Variants in HNF4A observed in about 807,000 individuals in gnomAD.
HNF4A encodes the protein hepatocyte nuclear factor 4 alpha.
A neutral mutation model predicts 52.4 loss-of-function variants in HNF4A; 15 were observed. The ratio of observed to expected loss-of-function variants is 0.29; its 90% CI spans 0.19 to 0.44. The LOEUF (loss-of-function observed/expected upper bound fraction) is 0.44, where lower values mean the gene tolerates loss of function less well. Ranked by LOEUF, HNF4A falls within the 20% of genes least tolerant of loss-of-function variation. The pLI is 1.00. For missense variants in HNF4A, 479 were observed against 647.2 expected (o/e 0.74, Z 2.82); for synonymous variants, 280 against 264.4 (o/e 1.06, Z -0.57).
intron 1 of HNF4A, among the ~76,000 whole-genome samples, chr20:44,393,558 TG>T (rs1309666896): frequency 6.6e-6 from 1 of 152,216 alleles, no homozygotes; most frequent in East Asian, 1.9e-4. Context: ...TCTCATCAGC[TG>T]TGTGAGCATG....
chr20:44,395,944 C>A (rs553348855), intron 1 of HNF4A, among the ~76,000 whole-genome samples: 5 of 152,066 alleles, frequency 3.3e-5, no homozygotes, highest in Admixed American at 6.6e-5. Flanking sequence ...GGTGGCCAGG[C>A]GTGTGGAGGA....
intron 1 of HNF4A, among the ~76,000 whole-genome samples, chr20:44,362,452 A>T (rs1434914231): frequency 2.0e-5 from 3 of 148,144 alleles, no homozygotes; most frequent in African/African-American, 7.4e-5. Flanking sequence ...GCATGCTGAG[A>T]TGCTTAAGTG....
intron 1 of HNF4A, among the ~76,000 whole-genome samples, chr20:44,383,127 G>A (rs768598703): frequency 7.2e-5 from 11 of 152,156 alleles, no homozygotes; most frequent in Admixed American, 2.0e-4. Flanking sequence ...CTGTGATGGC[G>A]CCACTGCACT....
intron 1 of HNF4A, among the ~76,000 whole-genome samples, chr20:44,371,663 A>G: frequency 6.6e-6 from 1 of 152,080 alleles, no homozygotes; most frequent in African/African-American, 2.4e-5. Context: ...CATCTCTACT[A>G]AAAATGCAAA....
chr20:44,375,897 T>C (rs1429011509), intron 1 of HNF4A, among the ~76,000 whole-genome samples: 1 of 152,212 alleles, frequency 6.6e-6, no homozygotes, highest in African/African-American at 2.4e-5. Context: ...AAGCTCTCCC[T>C]GCTCTCAGAC....
chr20:44,368,160 A>ATTTTTT lies in HNF4A; in HGVS notation c.49+12326_49+12331dup, dbSNP rs1181828023. Among the ~76,000 whole-genome samples the ATTTTTT allele has an allele frequency of 3.6e-4, 10 of 27,782 alleles. 1 individual carries two copies. Among genetic ancestry groups the ATTTTTT allele is most frequent in the East Asian group, 2.4e-3 (2 of 842 alleles). The allele number at this position is 27,782 out of a possible 152,430, so 18.2% of individuals were successfully genotyped here. ...TATATACATATATATATATATATATATTTTTTTTTTTTTTTTTTTTTTTTG... is the reference window on the plus strand; with the variant it reads ...TATATACATATATATATATATATATATTTTTTTTTTTTTTTTTTTTTTTTTTTTTTG... On this transcript the variant is annotated intron_variant, in intron 1 of 9. Coordinates refer to the HNF4A transcript ENST00000316673.
At position 44,430,573 on chromosome 20, in the gene HNF4A, T is replaced by C. The variant is rs983663844; in HGVS notation, c.*908T>C. On this transcript the variant is annotated 3_prime_UTR_variant, in exon 10 of 10. Coordinates refer to ENST00000316099, the MANE Select transcript of HNF4A (RefSeq NM_000457.6). The stretch of plus-strand genomic sequence containing the variant: ...AAGAACAGCCTGAGCCAAGGCCTAG[T>C]GGTAGTAAGAATCTAGCAAGAATTG... 2.6e-5 allele frequency: 4 copies of C among 152,342 alleles called. No individual in the cohort carries two copies. The highest frequency in any genetic ancestry group is 9.7e-5 in the African/African-American group (4 of 41,384). 9.4% of individuals were successfully genotyped at this position (152,342 alleles called of 1,614,324 possible).
chr20:44,413,684 C>T lies in HNF4A; in HGVS notation c.386-10C>T, dbSNP rs1158589589. The T allele has an allele frequency of 5.0e-6, 8 of 1,609,862 alleles. No homozygotes were observed. The highest frequency in any genetic ancestry group is 1.1e-5 in the South Asian group (1 of 90,744). On this transcript the variant is annotated splice_polypyrimidine_tract_variant and intron_variant, in intron 3 of 9. Coordinates refer to ENST00000316099, the MANE Select transcript of HNF4A (RefSeq NM_000457.6). The stretch of plus-strand genomic sequence containing the variant: ...GTTCTCCCTCCTCACCTCTCTGTGC[C>T]TCCTCACAGCCGTCCAGAATGAGCG...
intron 3 of HNF4A, among the ~76,000 whole-genome samples, chr20:44,413,321 TTAC>T (rs2063613146): frequency 6.6e-6 from 1 of 152,154 alleles, no homozygotes. Context: ...TTTGCTTGCT[TTAC>T]TCACTTTCAT....
rs186064234 is a variant in HNF4A, at chr20:44,386,355, C to A, written c.50-19703C>A. On this transcript the variant is annotated intron_variant, in intron 1 of 9. Transcript: ENST00000316673. ...GCTAATTTTGTATTTTTAGTAGAGA[C>A]GAGGTCTCACCATGTTTGGCAGGCT... Among the ~76,000 whole-genome samples the A allele has an allele frequency of 8.6e-3, 1,302 of 151,802 alleles. 24 individuals are homozygous for A. The highest frequency in any genetic ancestry group is 0.03 in the African/African-American group (1,256 of 41,388).
chr20:44,381,151 C>T (rs980875780), intron 1 of HNF4A, among the ~76,000 whole-genome samples: 7 of 152,176 alleles, frequency 4.6e-5, no homozygotes, highest in Admixed American at 4.6e-4. Flanking sequence ...CTTAATAAAG[C>T]AGCTTTTCCT....
chr20:44,371,435 T>C (rs1448929242), intron 1 of HNF4A, among the ~76,000 whole-genome samples: 2 of 149,250 alleles, frequency 1.3e-5, no homozygotes, highest in African/African-American at 4.9e-5. Flanking sequence ...GTGCCACTAC[T>C]GCCCAGCTAA....
At chr20:44,364,723 C>T (rs981760095) in intron 1 of HNF4A, among the ~76,000 whole-genome samples, 2 of 152,222 alleles carry the variant, frequency 1.3e-5, no homozygotes, top group African/African-American at 2.4e-5. Flanking sequence ...CTGCCCCGAC[C>T]TCCCAAAGTG....
intron 5 of HNF4A, among the ~76,000 whole-genome samples, chr20:44,415,155 CTCT>C (rs2063645564): frequency 6.6e-6 from 1 of 152,080 alleles, no homozygotes; most frequent in African/African-American, 2.4e-5. Flanking sequence ...CCTCAGTGTT[CTCT>C]TATCTGTAAA....
At position 44,412,961 on chromosome 20, in the gene HNF4A, T is replaced by C. The variant is rs7269902; in HGVS notation, c.386-733T>C. ...GTGCAGCTTCAACCTCCCTCCTTTC[T>C]GAATCAGCCAAGCCTCATTCCACAG... On this transcript the variant is annotated intron_variant, in intron 3 of 9. Coordinates refer to ENST00000316099, the MANE Select transcript of HNF4A (RefSeq NM_000457.6). Among the ~76,000 whole-genome samples the C allele has an allele frequency of 6.1e-3, 927 of 152,290 alleles. 5 individuals carry two copies. The highest frequency in any genetic ancestry group is 0.019 in the African/African-American group (802 of 41,560).
At chr20:44,359,180 G>T (rs1371382977) in intron 1 of HNF4A, among the ~76,000 whole-genome samples, 1 of 152,092 alleles carries the variant, frequency 6.6e-6, no homozygotes, top group Non-Finnish European at 1.5e-5. Context: ...GTGAAATGAT[G>T]GGCTTAAAAC....
At chr20:44,386,131 G>A (rs532393696) in intron 1 of HNF4A, among the ~76,000 whole-genome samples, 19 of 148,482 alleles carry the variant, frequency 1.3e-4, no homozygotes, top group African/African-American at 2.5e-4. Context: ...GATTACAGGC[G>A]TGAGCCACCG....
At chr20:44,422,932 G>C (rs1174189160) in intron 7 of HNF4A, among the ~76,000 whole-genome samples, 1 of 152,034 alleles carries the variant, frequency 6.6e-6, no homozygotes, top group African/African-American at 2.4e-5. Context: ...CCCCGCCTCG[G>C]CCTCTGACAG....
intron 1 of HNF4A, among the ~76,000 whole-genome samples, chr20:44,368,177 T>TTTTTTTTTTTTTTTC (rs2062994071): frequency 9.0e-6 from 1 of 111,112 alleles, no homozygotes. Context: ...TTTTTTTTTT[T>TTTTTTTTTTTTTTTC]TTTTTTTGAG....
Sources: gnomAD v4.1 joint callset for allele counts (sites outside exome capture counted in the v4.1 genomes callset) on GRCh38, gnomAD v4.1.1 for gene constraint, MANE v1.5 for transcripts, NCBI Gene and HGNC (gene_info 2026-07-23, HGNC 2026-07-21) for gene names.